Variants in SLC41A3 observed in about 807,000 individuals in gnomAD.
The protein encoded by SLC41A3 is solute carrier family 41 member 3, also known as SLC41A1-like 2.
In SLC41A3, 44 loss-of-function variants were observed where a neutral mutation model predicts 45.4. The observed-to-expected ratio is 0.97, with a 90% CI of 0.76 to 1.25. The LOEUF (loss-of-function observed/expected upper bound fraction) is 1.25. SLC41A3 is among the 50% of genes most tolerant of loss of function. SLC41A3 has a pLI of 0.00. For synonymous variants in SLC41A3, 256 were observed against 252.4 expected (o/e 1.01, Z -0.13); for missense variants, 550 against 600.6 (o/e 0.92, Z 0.88).
chr3:126,027,276 G>A (rs924051516), intron 4 of SLC41A3, among the ~76,000 whole-genome samples: 14 of 136,120 alleles, frequency 1.0e-4, no homozygotes, highest in African/African-American at 4.0e-4. Flanking sequence ...CCTGTCCCTT[G>A]GTGAAGTCAT....
intron 1 of SLC41A3, among the ~76,000 whole-genome samples, chr3:126,098,660 G>A (rs564805306): frequency 6.6e-6 from 1 of 152,354 alleles, no homozygotes; most frequent in Non-Finnish European, 1.5e-5. Context: ...ATCCAGGCAG[G>A]CCTGGCCCTG....
At chr3:126,086,419 T>TTTTTTTTTTTTTTTTTTG (rs1945392765), upstream of SLC41A3, among the ~76,000 whole-genome samples, 1 of 144,388 alleles carries the variant, frequency 6.9e-6, no homozygotes. Flanking sequence ...TTTTTTTTTT[T>TTTTTTTTTTTTTTTTTTG]TTTTTTTTTT....
Position 126,097,775 on chromosome 3 carries a change from G to A in SLC41A3, c.-79+3654C>T, listed in dbSNP as rs192875354. Among the ~76,000 whole-genome samples, 19 of 152,274 alleles carry A rather than the reference G, an allele frequency of 1.2e-4. No homozygotes were observed. The East Asian group carries it at 2.5e-3, about 20-fold the overall frequency. On this transcript the variant is annotated intron_variant, in intron 1 of 9. Coordinates refer to the SLC41A3 transcript ENST00000508835. ...CTGGCCTCAGTCAAGGAGAAAGCACGGGGAAAATGGGAGCATTCTAGAAAA... is the reference window on the plus strand; with the variant it reads ...CTGGCCTCAGTCAAGGAGAAAGCACAGGGAAAATGGGAGCATTCTAGAAAA...
intron 8 of SLC41A3, 126 bp downstream of exon 8, chr3:126,015,368 C>G: frequency 2.2e-6 from 2 of 898,496 alleles, no homozygotes; most frequent in South Asian, 1.6e-5. Context: ...AGTCTGTCCA[C>G]GGCTCAGCTG....
chr3:126,022,111 C>T (rs1165107611), intron 6 of SLC41A3, among the ~76,000 whole-genome samples: 1 of 152,192 alleles, frequency 6.6e-6, no homozygotes, highest in Non-Finnish European at 1.5e-5. Flanking sequence ...TCTCGCTTTG[C>T]TTAAAATAAA....
chr3:126,080,293 A>G, intron 1 of SLC41A3, among the ~76,000 whole-genome samples: 1 of 152,184 alleles, frequency 6.6e-6, no homozygotes, highest in East Asian at 1.9e-4. Flanking sequence ...ATGGAAGAAA[A>G]TATCTGAAAC....
intron 1 of SLC41A3, among the ~76,000 whole-genome samples, chr3:126,101,126 G>A (rs969248240): frequency 2.6e-5 from 4 of 152,324 alleles, no homozygotes; most frequent in Admixed American, 6.5e-5. Flanking sequence ...CCACATCCGC[G>A]GGGTTGGGCA....
chr3:126,098,551 G>A (rs371600708), intron 1 of SLC41A3, among the ~76,000 whole-genome samples: 91 of 152,334 alleles, frequency 6.0e-4, no homozygotes, highest in African/African-American at 1.9e-3. Flanking sequence ...AAACCCTGAT[G>A]GGACTAATCT....
intron 3 of SLC41A3, among the ~76,000 whole-genome samples, chr3:126,038,188 G>A (rs993103167): frequency 3.9e-5 from 6 of 152,214 alleles, no homozygotes; most frequent in African/African-American, 9.6e-5. Flanking sequence ...GAGCCCCCAC[G>A]GAGAAACCCT....
At chr3:126,060,165 T>C (rs991569777) in intron 2 of SLC41A3, among the ~76,000 whole-genome samples, 4 of 152,202 alleles carry the variant, frequency 2.6e-5, no homozygotes, top group African/African-American at 7.2e-5. Context: ...ATGCCTGTAA[T>C]CCCAGCACTT....
rs1026230665 is a variant in SLC41A3 at position 126,060,592 on chromosome 3, T to A, written c.273+7355A>T. Reference sequence around the variant, plus strand: ...TGACAATTGTGACTATTTGCTTTTATAAATAAAAAACTATCAAAAGCAAAT... The same window carrying A: ...TGACAATTGTGACTATTTGCTTTTAAAAATAAAAAACTATCAAAAGCAAAT... On this transcript the variant is annotated intron_variant, in intron 2 of 10. Transcript: ENST00000360370. Among the ~76,000 whole-genome samples, 6 of 152,338 alleles carry A rather than the reference T, an allele frequency of 3.9e-5. No individual in the cohort carries two copies. The East Asian group carries it at 7.7e-4, about 20-fold the overall frequency.
chr3:126,067,053 TG>T (rs1291314928), intron 2 of SLC41A3, among the ~76,000 whole-genome samples: 1 of 151,304 alleles, frequency 6.6e-6, no homozygotes, highest in Non-Finnish European at 1.5e-5. Flanking sequence ...TCAATGTACA[TG>T]TCTCATCTGT....
At chr3:126,029,233 C>A (rs1335629665) in intron 4 of SLC41A3, among the ~76,000 whole-genome samples, 1 of 152,164 alleles carries the variant, frequency 6.6e-6, no homozygotes. Context: ...AAATTATAAT[C>A]CCCAATGTTG....
upstream of SLC41A3, among the ~76,000 whole-genome samples, chr3:126,087,259 ATT>A (rs1945411717): frequency 6.6e-6 from 1 of 152,160 alleles, no homozygotes; most frequent in African/African-American, 2.4e-5. Context: ...TCATAAGTTC[ATT>A]ATTGAAGTAA....
At chr3:126,067,860 T>C in intron 2 of SLC41A3, 87 bp downstream of exon 2, 1 of 1,480,530 alleles carries the variant, frequency 6.8e-7, no homozygotes. Flanking sequence ...CCGACAACCT[T>C]TAAGCTCAAC....
intron 1 of SLC41A3, among the ~76,000 whole-genome samples, chr3:126,096,948 G>C (rs1270443518): frequency 1.3e-5 from 2 of 152,182 alleles, no homozygotes; most frequent in African/African-American, 2.4e-5. Flanking sequence ...GAGGGGCATA[G>C]AGCAGAAAAA....
At chr3:126,067,831 G>T in intron 2 of SLC41A3, 116 bp downstream of exon 2, 3 of 1,301,976 alleles carry the variant, frequency 2.3e-6, no homozygotes, top group Non-Finnish European at 2.1e-6. Flanking sequence ...AAAAAAAAAT[G>T]GCTTTTCAAG....
chr3:126,077,572 C>G (rs1007878677), intron 1 of SLC41A3, among the ~76,000 whole-genome samples: 3 of 152,164 alleles, frequency 2.0e-5, no homozygotes, highest in African/African-American at 7.2e-5. Context: ...GTATACATCT[C>G]TGGCCCGTGT....
chr3:126,031,148 T>C (rs573172632), intron 4 of SLC41A3, among the ~76,000 whole-genome samples: 33 of 152,342 alleles, frequency 2.2e-4, no homozygotes, highest in African/African-American at 7.9e-4. Context: ...CACATTTATA[T>C]GGTGAATTCA....
Sources: gnomAD v4.1 joint callset for allele counts (sites outside exome capture counted in the v4.1 genomes callset) on GRCh38, gnomAD v4.1.1 for gene constraint, MANE v1.5 for transcripts, NCBI Gene and HGNC (gene_info 2026-07-23, HGNC 2026-07-21) for gene names.